The following CHST8 variants were observed in gnomAD, a reference collection of about 807,000 sequenced individuals.
CHST8 encodes carbohydrate sulfotransferase 8, also known as GALNAC-4-ST1.
Under a neutral mutation model 15.0 loss-of-function variants are expected in CHST8, and 10 were observed. That is an observed-to-expected ratio of 0.67 (90% CI 0.41 to 1.13). CHST8 has a LOEUF of 1.13. CHST8 is among the 50% of genes most tolerant of loss of function. The pLI, the probability that CHST8 is intolerant of heterozygous loss-of-function variation, is 0.00. For missense variants in CHST8, 634 were observed against 608.2 expected (o/e 1.04, Z -0.45); for synonymous variants, 259 against 256.6 (o/e 1.01, Z -0.09).
rs139126763 is a variant in CHST8 at position 33,762,610 on chromosome 19, C to T, written c.131-8803C>T. Among the ~76,000 whole-genome samples, 1,224 of 152,346 alleles carry T rather than the reference C, an allele frequency of 8.0e-3. 7 individuals carry two copies. The highest frequency in any genetic ancestry group is 0.013 in the Non-Finnish European group (877 of 68,028). On this transcript the variant is annotated intron_variant, in intron 3 of 4. Coordinates refer to ENST00000650847, the MANE Select transcript of CHST8 (RefSeq NM_001127895.2). ...TGCGCTGGGGGCAGGAGCTGCGCTG[C>T]GGGAGATTCAGCCCCTGCAAAGGGA...
intron 1 of CHST8, 57 bp from the exon 2 acceptor site, chr19:33,667,710 G>C (rs921034820): frequency 1.3e-5 from 2 of 152,092 alleles, no homozygotes; most frequent in African/African-American, 4.8e-5. Context: ...TGAGAGCCCA[G>C]CTCATTTTAA....
chr19:33,653,821 T>C lies in CHST8; in HGVS notation c.-163-13946T>C, dbSNP rs1972477349. Among the ~76,000 whole-genome samples, 4 of 152,324 alleles carry C rather than the reference T, an allele frequency of 2.6e-5. No individual in the cohort carries two copies. In the South Asian group the frequency reaches 6.2e-4, roughly 24 times the overall value. ...GGTGTTTAAAATGGATACTGGCACA[T>C]GGTCAGCTCTACGTAAACCTTGGTG... On this transcript the variant is annotated intron_variant, in intron 1 of 4. Coordinates refer to ENST00000650847, the MANE Select transcript of CHST8 (RefSeq NM_001127895.2).
chr19:33,623,094 G>A (rs1972006922), intron 1 of CHST8, among the ~76,000 whole-genome samples: 1 of 152,186 alleles, frequency 6.6e-6, no homozygotes, highest in African/African-American at 2.4e-5. Flanking sequence ...CCCGATGCTG[G>A]GGCTTGGGTC....
intron 3 of CHST8, among the ~76,000 whole-genome samples, chr19:33,721,094 CA>C (rs1272063130): frequency 6.6e-6 from 1 of 152,220 alleles, no homozygotes; most frequent in Non-Finnish European, 1.5e-5. Context: ...TCCATGTAAT[CA>C]CAAGGGAATC....
intron 3 of CHST8, among the ~76,000 whole-genome samples, chr19:33,767,819 G>A (rs1056387749): frequency 1.1e-4 from 17 of 152,184 alleles, no homozygotes; most frequent in Admixed American, 8.5e-4. Flanking sequence ...CATTGGTGGC[G>A]TTGGATGGAA....
intron 3 of CHST8, among the ~76,000 whole-genome samples, chr19:33,732,125 T>C (rs1479287689): frequency 6.6e-6 from 1 of 152,220 alleles, no homozygotes; most frequent in Non-Finnish European, 1.5e-5. Flanking sequence ...CTCTTTCTTT[T>C]GGGCTCTGAA....
At chr19:33,769,837 C>T (rs1475164601) in intron 3 of CHST8, among the ~76,000 whole-genome samples, 2 of 152,070 alleles carry the variant, frequency 1.3e-5, no homozygotes, top group African/African-American at 2.4e-5. Context: ...CTTGGGAGTG[C>T]CCAGGAAGAT....
At chr19:33,632,137 CTCTTTTT>C (rs1367064648) in intron 1 of CHST8, among the ~76,000 whole-genome samples, 2 of 132,782 alleles carry the variant, frequency 1.5e-5, no homozygotes, top group South Asian at 2.5e-4. Flanking sequence ...CTCTCTCTCT[CTCTTTTT>C]TTTTTTTTTT....
At chr19:33,738,682 A>T (rs1318869005) in intron 3 of CHST8, among the ~76,000 whole-genome samples, 1 of 151,972 alleles carries the variant, frequency 6.6e-6, no homozygotes, top group African/African-American at 2.4e-5. Flanking sequence ...CTCCGCCTCC[A>T]GGGTTCAAGC....
intron 3 of CHST8, among the ~76,000 whole-genome samples, chr19:33,740,211 A>C (rs1380016219): frequency 6.6e-6 from 1 of 152,156 alleles, no homozygotes; most frequent in East Asian, 1.9e-4. Context: ...GCTCCCTCCA[A>C]GGCTACATCA....
intron 3 of CHST8, among the ~76,000 whole-genome samples, chr19:33,730,075 A>C (rs902204236): frequency 6.6e-6 from 1 of 152,226 alleles, no homozygotes; most frequent in African/African-American, 2.4e-5. Flanking sequence ...TCCTACCTAT[A>C]GGAGCACTGG....
chr19:33,681,625 G>A (rs900207279), intron 2 of CHST8, among the ~76,000 whole-genome samples: 17 of 152,162 alleles, frequency 1.1e-4, no homozygotes, highest in African/African-American at 4.1e-4. Flanking sequence ...AATTCACAAG[G>A]TGCCTCCCTG....
intron 3 of CHST8, among the ~76,000 whole-genome samples, chr19:33,751,928 G>A (rs977386033): frequency 2.6e-5 from 4 of 152,190 alleles, no homozygotes; most frequent in Non-Finnish European, 4.4e-5. Context: ...CTCCAACGGC[G>A]CCAGGAGGGG....
intron 3 of CHST8, among the ~76,000 whole-genome samples, chr19:33,713,290 T>C (rs1358793318): frequency 6.6e-6 from 1 of 152,086 alleles, no homozygotes; most frequent in Admixed American, 6.5e-5. Flanking sequence ...ATCTGCGATC[T>C]CCTAATGGAG....
At chr19:33,679,300 A>G (rs1332165469) in intron 2 of CHST8, among the ~76,000 whole-genome samples, 1 of 152,192 alleles carries the variant, frequency 6.6e-6, no homozygotes, top group African/African-American at 2.4e-5. Context: ...GCTTTCTAGA[A>G]CTGAAAGGAA....
chr19:33,753,260 T>G (rs1974455420), intron 3 of CHST8, among the ~76,000 whole-genome samples: 1 of 151,858 alleles, frequency 6.6e-6, no homozygotes, highest in African/African-American at 2.4e-5. Flanking sequence ...CCTGTCTCCC[T>G]CCAGCACCCC....
chr19:33,752,643 A>G (rs71351740), intron 3 of CHST8, among the ~76,000 whole-genome samples: 30,963 of 152,092 alleles, frequency 0.2, 3,811 homozygotes, highest in Non-Finnish European at 0.27. Flanking sequence ...TCTCATTAGC[A>G]GTGTCTGTCA....
In CHST8 at chr19:33,667,821, A is replaced by C. The variant is rs1280362452; in HGVS notation, c.-109A>C. 1 of 152,192 alleles carries C rather than the reference A, an allele frequency of 6.6e-6. No individual in the cohort carries two copies. Among genetic ancestry groups the C allele is most frequent in the Non-Finnish European group, 1.5e-5 (1 of 68,038 alleles). 9.4% of individuals were successfully genotyped at this position (152,192 alleles called of 1,614,324 possible). A position where few individuals can be genotyped will look rare whatever the true frequency, so the allele number is the denominator to read the frequency against. On this transcript the variant is annotated 5_prime_UTR_variant, in exon 2 of 5. It removes an upstream start codon present in the reference 5' UTR. Coordinates refer to ENST00000650847, the MANE Select transcript of CHST8 (RefSeq NM_001127895.2). ...TAATTTGACAAGTACGCAAGAAATAATGCAAGACTCGTTTATGTTCAGGTA... is the reference window on the plus strand; with the variant it reads ...TAATTTGACAAGTACGCAAGAAATACTGCAAGACTCGTTTATGTTCAGGTA...
chr19:33,766,341 T>C (rs188401920), intron 3 of CHST8, among the ~76,000 whole-genome samples: 4 of 152,208 alleles, frequency 2.6e-5, no homozygotes, highest in Non-Finnish European at 5.9e-5. Context: ...GAACCCTTCA[T>C]ACTTCCCATG....
Sources: gnomAD v4.1 joint callset for allele counts (sites outside exome capture counted in the v4.1 genomes callset) on GRCh38, gnomAD v4.1.1 for gene constraint, MANE v1.5 for transcripts, NCBI Gene and HGNC (gene_info 2026-07-23, HGNC 2026-07-21) for gene names.